Variants in CNTNAP2 observed in about 807,000 individuals in gnomAD.
The protein encoded by CNTNAP2 is contactin associated protein 2.
In CNTNAP2, 98 loss-of-function variants were observed where a neutral mutation model predicts 155.2. The ratio of observed to expected loss-of-function variants is 0.63; its 90% CI spans 0.54 to 0.75. CNTNAP2 has a LOEUF of 0.75. CNTNAP2 is among the 30% of genes least tolerant of loss of function. The pLI, the probability that CNTNAP2 is intolerant of heterozygous loss-of-function variation, is 0.00. For missense variants in CNTNAP2, 1,727 were observed against 1,688.1 expected, an observed-to-expected ratio of 1.02 and a Z score of -0.40; for synonymous variants, 651 against 631.2, an observed-to-expected ratio of 1.03 and a Z score of -0.47.
intron 14 of CNTNAP2, among the ~76,000 whole-genome samples, chr7:147,967,522 C>G (rs6947287): frequency 5.3e-5 from 8 of 150,436 alleles, no homozygotes; most frequent in Non-Finnish European, 1.2e-4. Flanking sequence ...GGGGAAATTG[C>G]GTAGAACTAC....
At chr7:147,671,929 G>A (rs1311971378) in intron 13 of CNTNAP2, 3 of 152,154 alleles carry the variant, frequency 2.0e-5, no homozygotes, top group African/African-American at 7.2e-5. Context: ...TCAAAAAAAG[G>A]TTATGTTCCC....
intron 1 of CNTNAP2, among the ~76,000 whole-genome samples, chr7:146,143,842 A>G (rs773610492): frequency 5.9e-5 from 9 of 151,838 alleles, no homozygotes; most frequent in Non-Finnish European, 1.0e-4. Context: ...GGCTCACTGC[A>G]ACCTCTGCCT....
intron 13 of CNTNAP2, among the ~76,000 whole-genome samples, chr7:147,856,888 T>C (rs1799048903): frequency 6.6e-6 from 1 of 152,094 alleles, no homozygotes; most frequent in South Asian, 2.1e-4. Context: ...CAGATTTGAG[T>C]GTACCCCTCA....
intron 2 of CNTNAP2, among the ~76,000 whole-genome samples, chr7:146,821,734 C>G (rs1438897290): frequency 6.6e-6 from 1 of 152,112 alleles, no homozygotes; most frequent in East Asian, 1.9e-4. Context: ...CTCATCATCA[C>G]TGGCCATCAG....
At chr7:147,031,407 C>G (rs539602447) in intron 3 of CNTNAP2, among the ~76,000 whole-genome samples, 1 of 152,068 alleles carries the variant, frequency 6.6e-6, no homozygotes, top group Admixed American at 6.5e-5. Flanking sequence ...AACAAATGCT[C>G]ACAGCAATTT....
chr7:148,148,091 A>G (rs1392755815), intron 17 of CNTNAP2, among the ~76,000 whole-genome samples: 1 of 137,518 alleles, frequency 7.3e-6, no homozygotes, highest in African/African-American at 2.6e-5. Context: ...AGGAAGGGAG[A>G]GAGGGAGGGA....
intron 1 of CNTNAP2, among the ~76,000 whole-genome samples, chr7:146,767,945 A>G (rs1418012320): frequency 6.6e-6 from 1 of 152,156 alleles, no homozygotes; most frequent in Non-Finnish European, 1.5e-5. Flanking sequence ...TACCTCTGAA[A>G]GTCACGCCTT....
chr7:147,607,394 C>T (rs1017819132), intron 12 of CNTNAP2, among the ~76,000 whole-genome samples: 13 of 143,164 alleles, frequency 9.1e-5, no homozygotes, highest in African/African-American at 3.4e-4. Context: ...TTCTCTTTCT[C>T]TCTGTCTCTC....
At chr7:147,939,171 T>C (rs545756524) in intron 14 of CNTNAP2, among the ~76,000 whole-genome samples, 3 of 152,168 alleles carry the variant, frequency 2.0e-5, no homozygotes, top group African/African-American at 4.8e-5. Flanking sequence ...ACTATAATCA[T>C]ATAATTAAAT....
intron 3 of CNTNAP2, among the ~76,000 whole-genome samples, chr7:146,889,192 A>G (rs965090432): frequency 6.6e-6 from 1 of 152,180 alleles, no homozygotes; most frequent in Non-Finnish European, 1.5e-5. Context: ...AGTTTTTAAA[A>G]AAGTTTTAAT....
chr7:147,143,324 A>G (rs1801638670), intron 8 of CNTNAP2, among the ~76,000 whole-genome samples: 1 of 152,136 alleles, frequency 6.6e-6, no homozygotes, highest in Non-Finnish European at 1.5e-5. Context: ...ATGGTCTCAC[A>G]TGTCCTCTAC....
intron 11 of CNTNAP2, among the ~76,000 whole-genome samples, chr7:147,519,247 G>A (rs1029275383): frequency 3.9e-5 from 6 of 152,046 alleles, no homozygotes; most frequent in African/African-American, 9.7e-5. Flanking sequence ...GAGGCCTCCC[G>A]CATTCCTGGG....
intron 1 of CNTNAP2, among the ~76,000 whole-genome samples, chr7:146,453,188 G>T (rs969400686): frequency 6.6e-6 from 1 of 152,156 alleles, no homozygotes; most frequent in Non-Finnish European, 1.5e-5. Context: ...GAACTGATTC[G>T]GGAGTGTTTG....
At chr7:148,127,225 A>AAT (rs1804735559) in intron 16 of CNTNAP2, among the ~76,000 whole-genome samples, 1 of 152,134 alleles carries the variant, frequency 6.6e-6, no homozygotes, top group African/African-American at 2.4e-5. Flanking sequence ...GGATCACTTG[A>AAT]ATCCAGGAGG....
chr7:147,638,909 T>C, intron 12 of CNTNAP2, 197 bp from the exon 13 acceptor site: 1 of 682,860 alleles, frequency 1.5e-6, no homozygotes, highest in Non-Finnish European at 2.7e-6. Flanking sequence ...ATAAAAATAT[T>C]ACTTTCCTAC....
At chr7:147,427,878 C>T (rs1000440498) in intron 10 of CNTNAP2, among the ~76,000 whole-genome samples, 2 of 152,014 alleles carry the variant, frequency 1.3e-5, no homozygotes, top group African/African-American at 4.8e-5. Context: ...TTTATGATGG[C>T]TTTTACTGTT....
intron 11 of CNTNAP2, among the ~76,000 whole-genome samples, chr7:147,496,271 T>C (rs1471026048): frequency 6.6e-6 from 1 of 152,178 alleles, no homozygotes; most frequent in Non-Finnish European, 1.5e-5. Flanking sequence ...AACCAGTCTC[T>C]GGTGCCAAAA....
At position 147,314,373 on chromosome 7, in the gene CNTNAP2, G is replaced by T. The variant is rs545307076; in HGVS notation, c.1498+14083G>T. On this transcript the variant is annotated intron_variant, in intron 9 of 23. Coordinates refer to ENST00000361727, the MANE Select transcript of CNTNAP2 (RefSeq NM_014141.6). ...CTTTTCCAATCAAAAAAATCCCCAA[G>T]CCTCTCTGACATCTAGATCTTTCTA... is the stretch of plus-strand genomic sequence containing the variant. Among the ~76,000 whole-genome samples the T allele has an allele frequency of 5.9e-5, 9 of 152,128 alleles. No individual in the cohort carries two copies. The South Asian group carries it at 1.9e-3, about 32-fold the overall frequency.
chr7:148,216,620 AT>A (rs1444118562), intron 18 of CNTNAP2, among the ~76,000 whole-genome samples: 3 of 151,842 alleles, frequency 2.0e-5, no homozygotes, highest in East Asian at 1.9e-4. Context: ...AGTACATGAA[AT>A]TTTTTTCAGG....
Sources: gnomAD v4.1 joint callset for allele counts (sites outside exome capture counted in the v4.1 genomes callset) on GRCh38, gnomAD v4.1.1 for gene constraint, MANE v1.5 for transcripts, NCBI Gene and HGNC (gene_info 2026-07-23, HGNC 2026-07-21) for gene names.